AGMO: variants seen among roughly 807,000 people sequenced by gnomAD.
AGMO encodes the protein glyceryl-ether monooxygenase.
In AGMO, 75 loss-of-function variants were observed where a neutral mutation model predicts 60.2. The ratio of observed to expected loss-of-function variants is 1.25; its 90% CI spans 1.03 to 1.51. AGMO has a LOEUF of 1.51. Ranked by LOEUF, AGMO falls within the 40% of genes most tolerant of loss-of-function variation. The probability of loss-of-function intolerance (pLI) is 0.00; values close to 1 mark genes in which losing one functional copy is unlikely to be tolerated. For synonymous variants in AGMO, 261 were observed against 177.1 expected (o/e 1.47, Z -3.76); for missense variants, 763 against 525.5 (o/e 1.45, Z -4.42).
intron 4 of AGMO, 137 bp downstream of exon 4, chr7:15,430,868 T>C (rs1781215723): frequency 3.9e-6 from 2 of 512,084 alleles, no homozygotes; most frequent in Non-Finnish European, 6.7e-6. Context: ...GATTTTAGCA[T>C]CTGGCTTTAG....
At chr7:15,394,044 G>T in intron 6 of AGMO, 69 bp downstream of exon 6, 2 of 1,166,954 alleles carry the variant, frequency 1.7e-6, no homozygotes, top group Non-Finnish European at 2.6e-6. Flanking sequence ...GATTAAATGA[G>T]ATTAAGGAAA....
the AGMO span, among the ~76,000 whole-genome samples, chr7:15,154,248 G>A: frequency 1.3e-5 from 2 of 152,110 alleles, no homozygotes; most frequent in African/African-American, 2.4e-5. Context: ...ACCAAGCTGA[G>A]AATCAAATCA....
At chr7:15,196,145 C>T (rs1003564415), downstream of AGMO, among the ~76,000 whole-genome samples, 2 of 151,858 alleles carry the variant, frequency 1.3e-5, no homozygotes, top group Admixed American at 6.6e-5. Context: ...CGGGTTCGAG[C>T]GATTCTTCTG....
At chr7:15,294,618 A>G (rs1305103359) in intron 12 of AGMO, among the ~76,000 whole-genome samples, 5 of 152,008 alleles carry the variant, frequency 3.3e-5, no homozygotes, top group Admixed American at 3.3e-4. Context: ...ATAATTTAAG[A>G]TAAAGATAAT....
intron 3 of AGMO, among the ~76,000 whole-genome samples, chr7:15,517,003 A>T (rs1210446822): frequency 1.3e-5 from 2 of 152,120 alleles, no homozygotes; most frequent in Non-Finnish European, 2.9e-5. Flanking sequence ...AACTAAATAC[A>T]ATTTGAATGC....
chr7:15,393,454 A>C (rs113935868), intron 6 of AGMO, among the ~76,000 whole-genome samples: 1 of 152,228 alleles, frequency 6.6e-6, no homozygotes, highest in Non-Finnish European at 1.5e-5. Flanking sequence ...CATGTATAAT[A>C]TAAGATTTAT....
the AGMO span, among the ~76,000 whole-genome samples, chr7:15,145,728 A>G: frequency 1.8e-4 from 27 of 152,274 alleles, no homozygotes; most frequent in East Asian, 5.2e-3. Flanking sequence ...TAGAAGATAT[A>G]AAGATTATTA....
At chr7:15,228,785 C>T (rs1162120158) in intron 12 of AGMO, among the ~76,000 whole-genome samples, 1 of 152,056 alleles carries the variant, frequency 6.6e-6, no homozygotes, top group Non-Finnish European at 1.5e-5. Flanking sequence ...CAGCCAGGTG[C>T]ATTATCTGTA....
intron 12 of AGMO, among the ~76,000 whole-genome samples, chr7:15,354,916 T>TTATA (rs900811535): frequency 3.3e-5 from 5 of 152,008 alleles, no homozygotes; most frequent in African/African-American, 1.2e-4. Flanking sequence ...ATATGTTAAT[T>TTATA]TATAGCATAT....
chr7:15,374,821 A>T (rs2128567752), intron 10 of AGMO, among the ~76,000 whole-genome samples: 1 of 152,208 alleles, frequency 6.6e-6, no homozygotes, highest in East Asian at 1.9e-4. Context: ...GAAGGCTAGC[A>T]TTTGGAAAAT....
chr7:15,300,277 C>CTACAG (rs113286614), intron 12 of AGMO, among the ~76,000 whole-genome samples: 25,750 of 151,928 alleles, frequency 0.17, 3,499 homozygotes, highest in African/African-American at 0.37. Flanking sequence ...AATAAGTCTA[C>CTACAG]TAAAGTTCAC....
intron 12 of AGMO, among the ~76,000 whole-genome samples, chr7:15,215,088 TA>T (rs1781698176): frequency 6.6e-6 from 1 of 152,098 alleles, no homozygotes; most frequent in Admixed American, 6.6e-5. Flanking sequence ...TAGAGTAAGC[TA>T]ATTTTAAATC....
chr7:15,257,952 T>C (rs1446093453), intron 12 of AGMO, among the ~76,000 whole-genome samples: 1 of 152,214 alleles, frequency 6.6e-6, no homozygotes, highest in Non-Finnish European at 1.5e-5. Context: ...GAGTCTTTTC[T>C]TTGTAGTTAA....
chr7:15,380,814 G>C (rs537019277), intron 10 of AGMO, among the ~76,000 whole-genome samples: 4 of 152,110 alleles, frequency 2.6e-5, no homozygotes, highest in Non-Finnish European at 5.9e-5. Context: ...AAGCAGCATG[G>C]TACTGGCACA....
intron 2 of AGMO, 30 bp downstream of exon 2, chr7:15,560,111 A>G (rs754365360): frequency 1.4e-5 from 21 of 1,544,566 alleles, no homozygotes; most frequent in Non-Finnish European, 1.8e-5. Context: ...TTCAGTTTTT[A>G]TGCTCAGCGT....
At chr7:15,490,143 T>C (rs1279546805) in intron 3 of AGMO, among the ~76,000 whole-genome samples, 1 of 152,210 alleles carries the variant, frequency 6.6e-6, no homozygotes, top group Non-Finnish European at 1.5e-5. Context: ...TGAAATGGAC[T>C]ATTGTGTTGT....
chr7:15,379,869 TC>T (rs1783606354), intron 10 of AGMO, among the ~76,000 whole-genome samples: 2 of 152,110 alleles, frequency 1.3e-5, no homozygotes, highest in Non-Finnish European at 2.9e-5. Context: ...CACAAATCAG[TC>T]AATGTGATTC....
At chr7:15,184,202 T>C in the AGMO span, among the ~76,000 whole-genome samples, 2 of 150,972 alleles carry the variant, frequency 1.3e-5, no homozygotes, top group Non-Finnish European at 2.9e-5. Flanking sequence ...AAATGTCATA[T>C]TTCTTTGGAA....
At chr7:15,496,843 T>A (rs1783246987) in intron 3 of AGMO, among the ~76,000 whole-genome samples, 2 of 152,168 alleles carry the variant, frequency 1.3e-5, no homozygotes, top group Non-Finnish European at 1.5e-5. Flanking sequence ...ATTTGTTCCC[T>A]GTCATTTACT....
Sources: allele counts gnomAD v4.1 joint callset (sites outside exome capture counted in the v4.1 genomes callset), GRCh38; gene constraint gnomAD v4.1.1; transcripts MANE v1.5; gene names NCBI Gene and HGNC (gene_info 2026-07-23, HGNC 2026-07-21).